Variants in SLC39A14 observed in about 807,000 individuals in gnomAD.
SLC39A14 encodes solute carrier family 39 member 14, also known as metal cation symporter ZIP14.
SLC39A14 carries 19 observed loss-of-function variants against 45.5 expected under a neutral mutation model. The observed-to-expected ratio is 0.42, with a 90% CI of 0.29 to 0.61. The LOEUF (loss-of-function observed/expected upper bound fraction) is 0.61. SLC39A14 is among the 20% of genes least tolerant of loss of function. The pLI is 0.22. For synonymous variants in SLC39A14, 264 were observed against 251.3 expected (o/e 1.05, Z -0.48); for missense variants, 447 against 616.5 (o/e 0.73, Z 2.91).
chr8:22,384,444 T>TA (rs1270399886), intron 1 of SLC39A14, among the ~76,000 whole-genome samples: 6 of 151,024 alleles, frequency 4.0e-5, no homozygotes, highest in Admixed American at 6.6e-5. Flanking sequence ...ACTTTATGTT[T>TA]TAAAAAAAAA....
In SLC39A14 at chr8:22,420,510, G is replaced by C. The variant is rs1836165778; in HGVS notation, c.*812G>C. 1.0e-6 allele frequency: 1 copy of C among 985,420 alleles called. No homozygotes were observed. The highest frequency in any genetic ancestry group is 1.2e-6 in the Non-Finnish European group (1 of 829,956). The allele number at this position is 985,420 out of a possible 1,614,324, so 61.0% of individuals were successfully genotyped here. The stretch of plus-strand genomic sequence containing the variant: ...AAACAGTTGGTTTGGCTGTGATTTT[G>C]ACCTCCTCTTCCCCACTGCCATCTT... On this transcript the variant is annotated 3_prime_UTR_variant, in exon 9 of 9. Transcript: ENST00000381237.
chr8:22,375,011 G>A (rs910680163), intron 1 of SLC39A14, among the ~76,000 whole-genome samples: 1 of 151,706 alleles, frequency 6.6e-6, no homozygotes, highest in African/African-American at 2.4e-5. Flanking sequence ...CTCCCAGAGT[G>A]CTGGGATTAC....
intron 1 of SLC39A14, among the ~76,000 whole-genome samples, chr8:22,373,136 G>T (rs774616882): frequency 1.3e-5 from 2 of 151,800 alleles, no homozygotes; most frequent in South Asian, 4.2e-4. Context: ...GGTGGTGCAC[G>T]CCTGTAGTCC....
At chr8:22,382,907 G>A (rs58331874) in intron 1 of SLC39A14, among the ~76,000 whole-genome samples, 28,890 of 150,920 alleles carry the variant, frequency 0.19, 3,039 homozygotes, top group African/African-American at 0.28. Context: ...TGGTAGAGAC[G>A]GGGTTTCACT....
downstream of SLC39A14, among the ~76,000 whole-genome samples, chr8:22,425,070 T>C (rs1347015186): frequency 6.6e-6 from 1 of 151,784 alleles, no homozygotes; most frequent in Non-Finnish European, 1.5e-5. Context: ...AAATGTCTTT[T>C]AAGTTCTGTG....
intron 1 of SLC39A14, among the ~76,000 whole-genome samples, chr8:22,371,120 G>A (rs1321432912): frequency 6.6e-6 from 1 of 152,204 alleles, no homozygotes; most frequent in Admixed American, 6.5e-5. Flanking sequence ...CCTGCACAAG[G>A]AAAAGAGGCC....
rs1057320128 is a variant in SLC39A14 at position 22,384,132 on chromosome 8, G to A, written c.-16+16724G>A. ...GCAGTGGCTCTGCTGGCCAGCTCCC[G>A]GCTGTGGCCATGGTGACTCTGGCAT... On this transcript the variant is annotated intron_variant, in intron 1 of 8. Transcript: ENST00000381237. Among the ~76,000 whole-genome samples the A allele has an allele frequency of 4.6e-5, 7 of 152,186 alleles. No homozygotes were observed. In the South Asian group the frequency reaches 1.5e-3, roughly 32 times the overall value.
chr8:22,376,162 C>T (rs971216892), intron 1 of SLC39A14, among the ~76,000 whole-genome samples: 3 of 151,914 alleles, frequency 2.0e-5, no homozygotes, highest in African/African-American at 7.3e-5. Context: ...TTCATCATGT[C>T]ACAGTTTTTT....
chr8:22,424,294 T>G (rs1836345066), downstream of SLC39A14, among the ~76,000 whole-genome samples: 1 of 152,224 alleles, frequency 6.6e-6, no homozygotes, highest in Non-Finnish European at 1.5e-5. Context: ...ATGCTAAAGC[T>G]ATTCCCATTC....
intron 1 of SLC39A14, among the ~76,000 whole-genome samples, chr8:22,376,221 G>A (rs1172804919): frequency 6.6e-6 from 1 of 152,088 alleles, no homozygotes; most frequent in Non-Finnish European, 1.5e-5. Context: ...GCACAGGCTG[G>A]AGGGCAGTGG....
At chr8:22,384,167 T>G (rs191603054) in intron 1 of SLC39A14, among the ~76,000 whole-genome samples, 3 of 152,240 alleles carry the variant, frequency 2.0e-5, no homozygotes, top group African/African-American at 7.2e-5. Flanking sequence ...TCACTCCCTC[T>G]TGGCAGCACT....
At chr8:22,368,390 C>T (rs1048083286) in intron 1 of SLC39A14, among the ~76,000 whole-genome samples, 4 of 152,186 alleles carry the variant, frequency 2.6e-5, no homozygotes, top group Non-Finnish European at 4.4e-5. Context: ...CTGCTCTGCT[C>T]TTAACTGGCC....
At chr8:22,402,113 A>G (rs60712451) in intron 1 of SLC39A14, among the ~76,000 whole-genome samples, 67,021 of 152,070 alleles carry the variant, frequency 0.44, 16,508 homozygotes, top group African/African-American at 0.66. Context: ...TGGGCGCAGT[A>G]GCTCACGCCT....
chr8:22,401,849 T>G (rs200480568), intron 1 of SLC39A14, among the ~76,000 whole-genome samples: 2 of 152,142 alleles, frequency 1.3e-5, no homozygotes, highest in East Asian at 3.9e-4. Flanking sequence ...TTTGTCTGTG[T>G]TCTTTCTCAG....
chr8:22,368,435 T>C (rs992133048), intron 1 of SLC39A14, among the ~76,000 whole-genome samples: 10 of 152,196 alleles, frequency 6.6e-5, no homozygotes, highest in Non-Finnish European at 1.2e-4. Flanking sequence ...AGTACCACGG[T>C]CAGACTAGAT....
chr8:22,395,847 C>T (rs537518601), intron 1 of SLC39A14, among the ~76,000 whole-genome samples: 1 of 152,306 alleles, frequency 6.6e-6, no homozygotes, highest in Admixed American at 6.5e-5. Flanking sequence ...GTTCTGCTCA[C>T]ATGTTCTGTT....
At chr8:22,374,462 T>C (rs1000841384) in intron 1 of SLC39A14, among the ~76,000 whole-genome samples, 8 of 151,970 alleles carry the variant, frequency 5.3e-5, no homozygotes, top group Non-Finnish European at 1.0e-4. Context: ...AGAAGGCTTC[T>C]TGGGGAGGGA....
intron 3 of SLC39A14, among the ~76,000 whole-genome samples, chr8:22,409,236 G>A (rs1011890276): frequency 6.6e-6 from 1 of 152,164 alleles, no homozygotes; most frequent in African/African-American, 2.4e-5. Context: ...GGCTTGCCAC[G>A]AGCTGTGAGT....
intron 1 of SLC39A14, among the ~76,000 whole-genome samples, chr8:22,404,228 A>G (rs1265785552): frequency 6.6e-6 from 1 of 152,150 alleles, no homozygotes; most frequent in Non-Finnish European, 1.5e-5. Flanking sequence ...GTTCGAGACC[A>G]GCCTGGCCAA....
Sources: allele counts gnomAD v4.1 joint callset (sites outside exome capture counted in the v4.1 genomes callset), GRCh38; gene constraint gnomAD v4.1.1; transcripts MANE v1.5; gene names NCBI Gene and HGNC (gene_info 2026-07-23, HGNC 2026-07-21).